Variants in GRM7 observed in about 807,000 individuals in gnomAD.
GRM7 encodes the protein metabotropic glutamate receptor 7.
GRM7 carries 35 observed loss-of-function variants against 84.5 expected under a neutral mutation model. The ratio of observed to expected loss-of-function variants is 0.41; its 90% CI spans 0.32 to 0.55. GRM7 has a LOEUF of 0.55. GRM7 is among the 20% of genes least tolerant of loss of function. The probability of loss-of-function intolerance (pLI) is 0.19; values close to 1 mark genes in which losing one functional copy is unlikely to be tolerated. For missense variants in GRM7, 1,003 were observed against 1,194.6 expected, an observed-to-expected ratio of 0.84 and a Z score of 2.36; for synonymous variants, 487 against 455.1, an observed-to-expected ratio of 1.07 and a Z score of -0.89.
chr3:7,286,303 G>A lies in GRM7; in HGVS notation c.737-12381G>A, dbSNP rs188058788. On this transcript the variant is annotated intron_variant, in intron 2 of 9. Coordinates refer to ENST00000357716, the MANE Select transcript of GRM7 (RefSeq NM_000844.4). ...TTCAAAATGTAATTTGGTATTTGTC[G>A]GGCCAGTTGGTAAACCTGAGCTTCA... Among the ~76,000 whole-genome samples, 24 of 152,140 alleles carry A rather than the reference G, an allele frequency of 1.6e-4. No homozygotes were observed. The East Asian group carries it at 1.7e-3, about 11-fold the overall frequency.
chr3:7,064,114 T>C (rs1697533320), intron 1 of GRM7, among the ~76,000 whole-genome samples: 1 of 151,414 alleles, frequency 6.6e-6, no homozygotes, highest in Admixed American at 6.6e-5. Context: ...CATAAGTTAT[T>C]GAGGAACAGG....
At chr3:7,102,248 A>G (rs1699136635) in intron 1 of GRM7, among the ~76,000 whole-genome samples, 1 of 151,268 alleles carries the variant, frequency 6.6e-6, no homozygotes, top group Non-Finnish European at 1.5e-5. Flanking sequence ...ATGATATTTT[A>G]TTTTCAGTGT....
At position 7,358,920 on chromosome 3, in the gene GRM7, C is replaced by T. The variant is rs948592471; in HGVS notation, c.1033+52268C>T. 3.1e-4 allele frequency among the ~76,000 whole-genome samples: 47 copies of T among 151,866 alleles called. 1 individual carries two copies. Among genetic ancestry groups the T allele is most frequent in the Non-Finnish European group, 5.9e-4 (40 of 67,994 alleles). On this transcript the variant is annotated intron_variant, in intron 4 of 9. Coordinates refer to ENST00000357716, the MANE Select transcript of GRM7 (RefSeq NM_000844.4). ...ATGAATTGAGGTCAGGGGTTTGAGA[C>T]CAGCCTGGGCAACATGGTGAAACCC...
chr3:7,406,817 CAT>C (rs1261022548), intron 4 of GRM7, among the ~76,000 whole-genome samples: 1 of 152,130 alleles, frequency 6.6e-6, no homozygotes. Flanking sequence ...TACCTTGAAA[CAT>C]GTTGCTAGAT....
chr3:7,289,607 C>A (rs1447788692), intron 2 of GRM7, among the ~76,000 whole-genome samples: 1 of 152,096 alleles, frequency 6.6e-6, no homozygotes, highest in Non-Finnish European at 1.5e-5. Context: ...TGGAACCAAC[C>A]CAAATGTCCA....
At chr3:7,081,481 C>A (rs528249617) in intron 1 of GRM7, among the ~76,000 whole-genome samples, 1 of 152,192 alleles carries the variant, frequency 6.6e-6, no homozygotes, top group Non-Finnish European at 1.5e-5. Flanking sequence ...TCTGCTTGCA[C>A]TTCTCCCTGT....
intron 4 of GRM7, among the ~76,000 whole-genome samples, chr3:7,349,142 C>T (rs976019238): frequency 6.6e-6 from 1 of 152,084 alleles, no homozygotes; most frequent in African/African-American, 2.4e-5. Flanking sequence ...CAGGCTCTTA[C>T]AGTCGATTTC....
intron 2 of GRM7, among the ~76,000 whole-genome samples, chr3:7,285,843 A>G (rs1699413385): frequency 6.6e-6 from 1 of 151,870 alleles, no homozygotes; most frequent in South Asian, 2.1e-4. Context: ...TTTCCTTCTA[A>G]TTTATCTCTT....
At chr3:7,040,621 A>G (rs1254655621) in intron 1 of GRM7, among the ~76,000 whole-genome samples, 1 of 151,678 alleles carries the variant, frequency 6.6e-6, no homozygotes, top group African/African-American at 2.4e-5. Flanking sequence ...TAAACTCTTA[A>G]CTGTATTGCC....
chr3:7,586,667 G>A (rs536086274), intron 8 of GRM7, among the ~76,000 whole-genome samples: 1 of 152,262 alleles, frequency 6.6e-6, no homozygotes, highest in South Asian at 2.1e-4. Flanking sequence ...AATTAGCCAG[G>A]CATGGTGGTG....
At chr3:6,934,345 C>T (rs1484233091) in intron 1 of GRM7, among the ~76,000 whole-genome samples, 1 of 151,818 alleles carries the variant, frequency 6.6e-6, no homozygotes. Context: ...GTTTCTGTAC[C>T]AGGGCTGTAC....
At chr3:7,522,513 A>T (rs1283510934) in intron 7 of GRM7, among the ~76,000 whole-genome samples, 1 of 152,024 alleles carries the variant, frequency 6.6e-6, no homozygotes, top group Non-Finnish European at 1.5e-5. Context: ...AGGTCAGTTT[A>T]TGCCTTCACC....
chr3:7,262,089 T>C (rs1010873231), intron 2 of GRM7, among the ~76,000 whole-genome samples: 7 of 151,902 alleles, frequency 4.6e-5, no homozygotes, highest in African/African-American at 1.7e-4. Flanking sequence ...TTCTCTCTTA[T>C]TGCCTTTGAC....
At chr3:6,912,360 C>G (rs558910323) in intron 1 of GRM7, among the ~76,000 whole-genome samples, 2 of 152,084 alleles carry the variant, frequency 1.3e-5, no homozygotes, top group African/African-American at 4.8e-5. Flanking sequence ...CTATGCAAAC[C>G]TTTGTTGGTG....
chr3:6,975,780 A>G (rs767835867), intron 1 of GRM7, among the ~76,000 whole-genome samples: 3 of 152,154 alleles, frequency 2.0e-5, no homozygotes, highest in Non-Finnish European at 4.4e-5. Flanking sequence ...CACAAATAGG[A>G]CATGATCTAC....
intron 7 of GRM7, among the ~76,000 whole-genome samples, chr3:7,521,031 G>A (rs757896580): frequency 1.2e-4 from 19 of 152,268 alleles, no homozygotes; most frequent in South Asian, 4.1e-4. Context: ...TAGGATCCAG[G>A]TTTTATTGTT....
intron 8 of GRM7, among the ~76,000 whole-genome samples, chr3:7,606,012 T>G (rs1284873309): frequency 2.6e-5 from 4 of 152,218 alleles, no homozygotes; most frequent in African/African-American, 9.6e-5. Flanking sequence ...ATACTGTTGT[T>G]GCCTGTATCA....
intron 2 of GRM7, among the ~76,000 whole-genome samples, chr3:7,271,562 T>TAAA (rs71063298): frequency 1.5e-3 from 129 of 88,750 alleles, no homozygotes; most frequent in East Asian, 2.6e-3. Context: ...CCGCCTCAAA[T>TAAA]AAAAAAAAAA....
intron 1 of GRM7, among the ~76,000 whole-genome samples, chr3:7,001,336 T>TGA (rs1229962994): frequency 6.6e-6 from 1 of 152,086 alleles, no homozygotes; most frequent in African/African-American, 2.4e-5. Flanking sequence ...GGTGACAGAG[T>TGA]GAGACCCTGT....
Sources: gnomAD v4.1 joint callset for allele counts (sites outside exome capture counted in the v4.1 genomes callset) on GRCh38, gnomAD v4.1.1 for gene constraint, MANE v1.5 for transcripts, NCBI Gene and HGNC (gene_info 2026-07-23, HGNC 2026-07-21) for gene names.